Variants in TENM3 observed in about 807,000 individuals in gnomAD.
TENM3 encodes the protein teneurin transmembrane protein 3, also known as teneurin-3.
Under a neutral mutation model 255.1 loss-of-function variants are expected in TENM3, and 63 were observed. The ratio of observed to expected loss-of-function variants is 0.25; its 90% CI spans 0.20 to 0.30. The LOEUF (loss-of-function observed/expected upper bound fraction) is 0.30, where lower values mean the gene tolerates loss of function less well. Among genes scored for constraint, TENM3 ranks in the 10% least tolerant of loss-of-function variants. The pLI, the probability that TENM3 is intolerant of heterozygous loss-of-function variation, is 1.00. For synonymous variants in TENM3, 1,306 were observed against 1,322.3 expected (o/e 0.99, Z 0.27); for missense variants, 2,929 against 3,461.1 (o/e 0.85, Z 3.86).
chr4:181,848,342 T>A, the TENM3 span, among the ~76,000 whole-genome samples: 171 of 152,294 alleles, frequency 1.1e-3, 1 homozygote, highest in African/African-American at 3.9e-3. Context: ...TGGGCTAAGA[T>A]TGTTGGTGAT....
chr4:182,314,158 G>A (rs28709701), intron 1 of TENM3, among the ~76,000 whole-genome samples: 14,756 of 152,054 alleles, frequency 0.097, 760 homozygotes, highest in East Asian at 0.14. Flanking sequence ...AAAATTAGCC[G>A]GGCGCTTTGG....
intron 3 of TENM3, among the ~76,000 whole-genome samples, chr4:182,505,476 A>G (rs539395478): frequency 6.6e-6 from 1 of 151,574 alleles, no homozygotes; most frequent in South Asian, 2.1e-4. Flanking sequence ...ATTTTATTTT[A>G]CTATTACTAT....
the TENM3 span, among the ~76,000 whole-genome samples, chr4:181,901,446 G>T: frequency 6.6e-6 from 1 of 152,154 alleles, no homozygotes; most frequent in African/African-American, 2.4e-5. Flanking sequence ...TCTCCCAAAC[G>T]AAAGGAAAAG....
At chr4:182,490,063 G>C (rs574934906) in intron 3 of TENM3, among the ~76,000 whole-genome samples, 1 of 152,238 alleles carries the variant, frequency 6.6e-6, no homozygotes. Context: ...GATTAGGAAG[G>C]GCTTTAGTAG....
At chr4:181,704,975 GCCC>G in the TENM3 span, among the ~76,000 whole-genome samples, 1 of 151,268 alleles carries the variant, frequency 6.6e-6, no homozygotes, top group African/African-American at 2.4e-5. Context: ...GTTGCAGTGA[GCCC>G]AGATCACACC....
At chr4:182,535,495 G>A (rs902679494) in intron 3 of TENM3, among the ~76,000 whole-genome samples, 4 of 152,168 alleles carry the variant, frequency 2.6e-5, no homozygotes, top group South Asian at 2.1e-4. Context: ...AGTGATTTGC[G>A]AAGATGAGGT....
chr4:181,706,409 C>T, the TENM3 span, among the ~76,000 whole-genome samples: 1 of 152,024 alleles, frequency 6.6e-6, no homozygotes, highest in African/African-American at 2.4e-5. Context: ...CAGTCATCAT[C>T]GTAAAGTCGT....
intron 3 of TENM3, among the ~76,000 whole-genome samples, chr4:182,468,915 C>A (rs1196078901): frequency 1.4e-5 from 2 of 146,814 alleles, no homozygotes; most frequent in Non-Finnish European, 1.5e-5. Flanking sequence ...CTTCTTTTTT[C>A]CAATACTAAT....
the TENM3 span, among the ~76,000 whole-genome samples, chr4:181,653,102 T>C: frequency 5.3e-5 from 8 of 152,180 alleles, no homozygotes; most frequent in Admixed American, 1.3e-4. Flanking sequence ...GCCTACTCCA[T>C]GCCAGGCACC....
chr4:182,168,893 G>GA (rs1331481870), intron 1 of TENM3, among the ~76,000 whole-genome samples: 3 of 151,902 alleles, frequency 2.0e-5, no homozygotes, highest in South Asian at 4.2e-4. Context: ...TATATGTTCT[G>GA]AAAAAATAAC....
At chr4:182,712,002 A>C (rs991397626) in intron 12 of TENM3, among the ~76,000 whole-genome samples, 3 of 152,160 alleles carry the variant, frequency 2.0e-5, no homozygotes, top group African/African-American at 7.2e-5. Context: ...AGAAATTGTC[A>C]ATCTAAAGAA....
At chr4:182,005,050 T>C in the TENM3 span, among the ~76,000 whole-genome samples, 1 of 152,256 alleles carries the variant, frequency 6.6e-6, no homozygotes, top group Non-Finnish European at 1.5e-5. Flanking sequence ...ATTCTTTTGC[T>C]GTGCTGAAGC....
At chr4:182,269,875 A>T (rs1759500264) in intron 1 of TENM3, among the ~76,000 whole-genome samples, 1 of 152,110 alleles carries the variant, frequency 6.6e-6, no homozygotes, top group Non-Finnish European at 1.5e-5. Flanking sequence ...GTTTTGTTTT[A>T]TACATTTTAG....
chr4:181,906,756 G>A, the TENM3 span, among the ~76,000 whole-genome samples: 5 of 152,052 alleles, frequency 3.3e-5, no homozygotes, highest in Admixed American at 2.0e-4. Flanking sequence ...TATGTTTCCC[G>A]GGCTGGACTG....
At chr4:182,089,853 T>C in the TENM3 span, among the ~76,000 whole-genome samples, 2 of 152,348 alleles carry the variant, frequency 1.3e-5, no homozygotes, top group East Asian at 3.9e-4. Context: ...ATTTTACCAA[T>C]GCTACCAAAT....
the TENM3 span, among the ~76,000 whole-genome samples, chr4:181,889,177 G>A: frequency 6.6e-6 from 1 of 152,074 alleles, no homozygotes; most frequent in Non-Finnish European, 1.5e-5. Flanking sequence ...GGCCCGGTGG[G>A]GGGGATATTG....
At chr4:182,100,650 C>CACACATATACACAT in the TENM3 span, among the ~76,000 whole-genome samples, 10 of 35,536 alleles carry the variant, frequency 2.8e-4, no homozygotes, top group East Asian at 7.4e-4. Context: ...TATATATACA[C>CACACATATACACAT]ATATATACAC....
chr4:182,757,731 C>T (rs1394181949), intron 22 of TENM3, among the ~76,000 whole-genome samples: 1 of 152,114 alleles, frequency 6.6e-6, no homozygotes, highest in Non-Finnish European at 1.5e-5. Context: ...AATCGGCAGA[C>T]TGGCTGAAGT....
chr4:182,355,962 C>G (rs1765497253), intron 3 of TENM3, among the ~76,000 whole-genome samples: 2 of 150,728 alleles, frequency 1.3e-5, no homozygotes, highest in Admixed American at 1.3e-4. Context: ...AATATTTACT[C>G]TGTGATCTAT....
Sources: allele counts gnomAD v4.1 joint callset (sites outside exome capture counted in the v4.1 genomes callset), GRCh38; gene constraint gnomAD v4.1.1; transcripts MANE v1.5; gene names NCBI Gene and HGNC (gene_info 2026-07-23, HGNC 2026-07-21).